The following OSBP2 variants were observed in gnomAD, a reference collection of about 807,000 sequenced individuals.
OSBP2 encodes oxysterol binding protein 2.
Under a neutral mutation model 96.0 loss-of-function variants are expected in OSBP2, and 66 were observed. That is an observed-to-expected ratio of 0.69 (90% confidence interval 0.56 to 0.84). OSBP2 has a LOEUF of 0.84. Among genes scored for constraint, OSBP2 ranks in the 40% least tolerant of loss-of-function variants. The pLI is 0.00. For synonymous variants in OSBP2, 525 were observed against 520.9 expected (o/e 1.01, Z -0.11); for missense variants, 1,038 against 1,222.7 (o/e 0.85, Z 2.25).
chr22:30,869,708 C>G (rs941567670), intron 2 of OSBP2, among the ~76,000 whole-genome samples: 2 of 152,122 alleles, frequency 1.3e-5, no homozygotes, highest in Non-Finnish European at 2.9e-5. Flanking sequence ...GCTAATTTTT[C>G]TATTTTTTGT....
intron 2 of OSBP2, among the ~76,000 whole-genome samples, chr22:30,789,430 G>C (rs532619804): frequency 3.5e-4 from 54 of 152,240 alleles, no homozygotes; most frequent in African/African-American, 1.3e-3. Flanking sequence ...AGTGGGCTCC[G>C]GTCTGCTTTC....
chr22:30,797,291 A>AT (rs1282263615), intron 2 of OSBP2, among the ~76,000 whole-genome samples: 7 of 151,630 alleles, frequency 4.6e-5, no homozygotes, highest in African/African-American at 1.2e-4. Flanking sequence ...TTATTATTTT[A>AT]TTTTTTTTGA....
chr22:30,859,886 G>A (rs759203464), intron 2 of OSBP2, among the ~76,000 whole-genome samples: 1 of 152,138 alleles, frequency 6.6e-6, no homozygotes, highest in Admixed American at 6.5e-5. Context: ...GAGGCAGCAC[G>A]GAGCACTGGA....
chr22:30,750,466 C>T (rs537646621), intron 2 of OSBP2, among the ~76,000 whole-genome samples: 1 of 152,248 alleles, frequency 6.6e-6, no homozygotes, highest in African/African-American at 2.4e-5. Flanking sequence ...CAAAGGCCCC[C>T]CAACCATCTA....
chr22:30,817,106 T>A (rs541361882), intron 2 of OSBP2, among the ~76,000 whole-genome samples: 2 of 152,338 alleles, frequency 1.3e-5, no homozygotes, highest in East Asian at 3.9e-4. Flanking sequence ...GTTTTTTAAT[T>A]GCCCAGCAAC....
chr22:30,861,293 C>T (rs753322898), intron 2 of OSBP2, among the ~76,000 whole-genome samples: 9 of 152,162 alleles, frequency 5.9e-5, no homozygotes, highest in South Asian at 4.1e-4. Flanking sequence ...GGCCTGGGTG[C>T]CCCATCCCAC....
intron 2 of OSBP2, among the ~76,000 whole-genome samples, chr22:30,822,246 G>A (rs896350009): frequency 3.3e-5 from 5 of 152,252 alleles, no homozygotes; most frequent in African/African-American, 1.2e-4. Context: ...GCAACGCCGA[G>A]CTTGTTGCTG....
intron 1 of OSBP2, among the ~76,000 whole-genome samples, chr22:30,733,654 G>T (rs1392317812): frequency 6.6e-6 from 1 of 152,166 alleles, no homozygotes; most frequent in Non-Finnish European, 1.5e-5. Context: ...CTTAGTTGAT[G>T]TACAAGGTTT....
At chr22:30,860,808 G>C (rs2147085652) in intron 2 of OSBP2, among the ~76,000 whole-genome samples, 1 of 152,338 alleles carries the variant, frequency 6.6e-6, no homozygotes, top group Non-Finnish European at 1.5e-5. Context: ...GCTGTGGGCA[G>C]CAGGCCATCT....
rs527923661 is a variant in OSBP2, at chr22:30,790,800, G to A, written c.853+49431G>A. On this transcript the variant is annotated intron_variant, in intron 2 of 13. Transcript: ENST00000332585. ...TTTTGGATGAACAATTTAAAAATCC[G>A]TTAAGGGATATTCCTTCCCGTATCT... is the stretch of plus-strand genomic sequence containing the variant. Among the ~76,000 whole-genome samples the A allele has an allele frequency of 3.3e-4, 50 of 152,176 alleles. No individual in the cohort carries two copies. The South Asian group carries it at 9.3e-3, about 28-fold the overall frequency.
intron 3 of OSBP2, among the ~76,000 whole-genome samples, chr22:30,872,029 C>A (rs2039469669): frequency 6.6e-6 from 1 of 152,232 alleles, no homozygotes; most frequent in Non-Finnish European, 1.5e-5. Flanking sequence ...GCCCACCCGC[C>A]TCAGCTCAGC....
chr22:30,707,532 G>A (rs1476429217), intron 1 of OSBP2, among the ~76,000 whole-genome samples: 1 of 151,506 alleles, frequency 6.6e-6, no homozygotes. Flanking sequence ...GGCTAACACA[G>A]TGAAACCCCG....
chr22:30,856,384 T>C (rs1051452994), intron 2 of OSBP2, among the ~76,000 whole-genome samples: 12 of 140,820 alleles, frequency 8.5e-5, no homozygotes, highest in Non-Finnish European at 1.4e-4. Flanking sequence ...TTTTTTTTTT[T>C]TTTTTTTTTT....
chr22:30,802,914 G>A (rs1370100388), intron 2 of OSBP2, among the ~76,000 whole-genome samples: 6 of 152,302 alleles, frequency 3.9e-5, no homozygotes, highest in Non-Finnish European at 7.4e-5. Flanking sequence ...TGCTCTCTGA[G>A]CTCGCGGGCT....
Position 30,743,192 on chromosome 22 carries a change from T to C in OSBP2, c.853+1823T>C, listed in dbSNP as rs1374215266. Among the ~76,000 whole-genome samples the C allele has an allele frequency of 2.0e-5, 3 of 152,210 alleles. No homozygotes were observed. The East Asian group carries it at 5.8e-4, about 29-fold the overall frequency. ...GACTGGGTGGGGAGATGGTGAGTCC[T>C]GTGGAAGGAGCTCCAGCATTTGGCA... On this transcript the variant is annotated intron_variant, in intron 2 of 13. Coordinates refer to ENST00000332585, the MANE Select transcript of OSBP2 (RefSeq NM_030758.4).
intron 2 of OSBP2, among the ~76,000 whole-genome samples, chr22:30,869,022 G>C (rs2039405781): frequency 2.0e-5 from 3 of 152,210 alleles, no homozygotes; most frequent in Admixed American, 6.5e-5. Flanking sequence ...GGGACTCACT[G>C]GGTGGTGTCA....
rs559851325 is a variant in OSBP2 at position 30,870,282 on chromosome 22, C to T, written c.854-147C>T. ...GCCAGGATGGGGCAGGCACCTCACC[C>T]CGGCCAGGAACAGGAACGGGCACCA... On this transcript the variant is annotated intron_variant, in intron 2 of 13. Transcript: ENST00000332585. This position sits in a 1 kb window ranked among gnomAD's most constrained non-coding sequence, Gnocchi z 4.1. 1.0e-3 allele frequency: 877 copies of T among 866,872 alleles called. 16 individuals carry two copies. In the South Asian group the frequency reaches 0.014, roughly 14 times the overall value. 53.7% of individuals were successfully genotyped at this position (866,872 alleles called of 1,614,324 possible). A position where few individuals can be genotyped will look rare whatever the true frequency, so the allele number is the denominator to read the frequency against.
chr22:30,754,631 A>G (rs1393576090), intron 2 of OSBP2, among the ~76,000 whole-genome samples: 2 of 151,952 alleles, frequency 1.3e-5, no homozygotes, highest in African/African-American at 2.4e-5. Flanking sequence ...TACCTTCCCC[A>G]TGTCCTTTGT....
intron 6 of OSBP2, 112 bp downstream of exon 6, chr22:30,889,346 C>T: frequency 1.4e-6 from 2 of 1,403,042 alleles, no homozygotes; most frequent in Non-Finnish European, 2.0e-6. Flanking sequence ...ATGCCCCAGT[C>T]CAGGAGCACC....
Sources: gnomAD v4.1 joint callset for allele counts (sites outside exome capture counted in the v4.1 genomes callset) on GRCh38, gnomAD v4.1.1 for gene constraint, Gnocchi (gnomAD v3.1) non-coding constraint, MANE v1.5 for transcripts, NCBI Gene and HGNC (gene_info 2026-07-23, HGNC 2026-07-21) for gene names.